The following LOXHD1 variants were observed in gnomAD, a reference collection of about 807,000 sequenced individuals.
LOXHD1 encodes lipoxygenase homology PLAT domains 1, also known as lipoxygenase homology domain-containing protein 1.
LOXHD1 carries 205 observed loss-of-function variants against 248.2 expected under a neutral mutation model. The observed-to-expected ratio is 0.83, with a 90% CI of 0.74 to 0.93. LOXHD1 has a LOEUF of 0.93. Ranked by LOEUF, LOXHD1 falls within the 40% of genes least tolerant of loss-of-function variation. LOXHD1 has a pLI of 0.00. For missense variants in LOXHD1, 2,930 were observed against 2,971.6 expected, an observed-to-expected ratio of 0.99 and a Z score of 0.33; for synonymous variants, 1,113 against 1,162.8, an observed-to-expected ratio of 0.96 and a Z score of 0.87.
At position 46,560,369 on chromosome 18, in the gene LOXHD1, C is replaced by A; in HGVS notation, c.2775G>T (p.Gln925His). 1 of 1,552,734 alleles carries A rather than the reference C, an allele frequency of 6.4e-7. No individual in the cohort carries two copies. Among genetic ancestry groups the A allele is most frequent in the Non-Finnish European group, 8.7e-7 (1 of 1,148,010 alleles). Residue 925 changes from glutamine to histidine, a missense_variant, in exon 19 of 41, where the codon CAG becomes CAT. Physicochemically the swap from Gln to His is conservative, Grantham distance 24 (BLOSUM62 0). Transcript: ENST00000642948. ...CCTTCAGCCGCTCCTTCTTGAGCAG[C>A]TGCCGCAGCTTGTCCTTCTCCTTCT... ...RKKKEKDKLR[Q>H]LLKKERLKAK...
chr18:46,506,789 C>A (rs957468219), intron 36 of LOXHD1, among the ~76,000 whole-genome samples: 10 of 152,322 alleles, frequency 6.6e-5, no homozygotes, highest in South Asian at 2.1e-4. Flanking sequence ...AAAATGTAAG[C>A]TACCATGGCC....
intron 5 of LOXHD1, among the ~76,000 whole-genome samples, chr18:46,615,475 A>G (rs2038573107): frequency 6.6e-6 from 1 of 152,188 alleles, no homozygotes; most frequent in African/African-American, 2.4e-5. Flanking sequence ...TCATATTATA[A>G]TTTATTCTTT....
At position 46,538,158 on chromosome 18, in the gene LOXHD1, C is replaced by G. The variant is rs537822646; in HGVS notation, c.4093G>C (p.Glu1365Gln). 3.3e-6 allele frequency: 5 copies of G among 1,531,772 alleles called. No homozygotes were observed. The highest frequency in any genetic ancestry group is 4.4e-6 in the Non-Finnish European group (5 of 1,130,538). 94.9% of individuals were successfully genotyped at this position (1,531,772 alleles called of 1,614,324 possible). The change falls in exon 26 of 41, where the codon GAG (glutamate) becomes CAG (glutamine). Residue 1365 changes from glutamate to glutamine, a missense_variant and splice_region_variant. Glu to Gln is a conservative substitution (Grantham distance 29). Transcript: ENST00000642948. ...ERKSASRFIV[E>Q]LEDVGEIIEK... ...GACAGCCTGCTGAGCCCAAGTACCT[C>G]TACGATGAAGCGGGAGGCAGACTTC...
chr18:46,498,518 T>G (rs1346472528), intron 37 of LOXHD1, among the ~76,000 whole-genome samples: 1 of 152,230 alleles, frequency 6.6e-6, no homozygotes, highest in East Asian at 1.9e-4. Context: ...AGAAGGTCAA[T>G]TCTGTCTCTG....
At chr18:46,590,977 A>G (rs926239671) in intron 12 of LOXHD1, among the ~76,000 whole-genome samples, 15 of 152,240 alleles carry the variant, frequency 9.9e-5, no homozygotes, top group Admixed American at 7.2e-4. Context: ...ATCTCTTTTT[A>G]GATACTTGCT....
Position 46,518,262 on chromosome 18 carries a change from A to G in LOXHD1, c.5272-6T>C, listed in dbSNP as rs1373573128. 6.4e-7 allele frequency: 1 copy of G among 1,550,912 alleles called. No homozygotes were observed. Among genetic ancestry groups the G allele is most frequent in the Non-Finnish European group, 8.7e-7 (1 of 1,146,336 alleles). On this transcript the variant is annotated splice_polypyrimidine_tract_variant and splice_region_variant and intron_variant, in intron 33 of 40. Coordinates refer to ENST00000642948, the MANE Select transcript of LOXHD1 (RefSeq NM_001384474.1). ...ACCGTCATTTCATAGAGAACCTGCC[A>G]TGAGAGGAATGCAGGTGCTGAGTCT...
rs1244638330 is a variant in LOXHD1 at position 46,577,432 on chromosome 18, AT to A, written c.1970+274del. Among the ~76,000 whole-genome samples, 5 of 152,350 alleles carry A rather than the reference AT, an allele frequency of 3.3e-5. No individual in the cohort carries two copies. The East Asian group carries it at 9.6e-4, about 29-fold the overall frequency. On this transcript the variant is annotated intron_variant, in intron 14 of 40. Coordinates refer to ENST00000642948, the MANE Select transcript of LOXHD1 (RefSeq NM_001384474.1). The stretch of plus-strand genomic sequence containing the variant: ...CTAAATTCAGGAATTGCCAAATTTT[AT>A]CATGAACAAGCACCCACATTTTGTT...
chr18:46,607,296 T>G lies in LOXHD1; in HGVS notation c.760-3067A>C, dbSNP rs147489742. 4.1e-3 allele frequency among the ~76,000 whole-genome samples: 627 copies of G among 151,130 alleles called. 19 individuals are homozygous for G. The East Asian group carries it at 0.073, about 18-fold the overall frequency. On this transcript the variant is annotated intron_variant, in intron 6 of 40. Transcript: ENST00000642948. ...ATTGTATTCATTATGACACCATATA[T>G]ATATGGTGTCATATATATATACACA...
chr18:46,576,738 A>G (rs576953381), intron 14 of LOXHD1, among the ~76,000 whole-genome samples: 1 of 152,280 alleles, frequency 6.6e-6, no homozygotes, highest in East Asian at 1.9e-4. Flanking sequence ...TGACCTATGG[A>G]GCCCTCCCAG....
chr18:46,629,585 A>G (rs2038792106), intron 4 of LOXHD1, among the ~76,000 whole-genome samples: 1 of 152,086 alleles, frequency 6.6e-6, no homozygotes, highest in African/African-American at 2.4e-5. Context: ...CAACATGGTC[A>G]TGTCAAGATC....
chr18:46,519,722 G>A (rs181389121), intron 33 of LOXHD1, among the ~76,000 whole-genome samples: 37 of 152,250 alleles, frequency 2.4e-4, no homozygotes, highest in Admixed American at 7.2e-4. Context: ...GAGCTGGTCC[G>A]TCCGACTCTT....
chr18:46,587,252 C>A (rs1465202123), intron 12 of LOXHD1, among the ~76,000 whole-genome samples: 1 of 152,146 alleles, frequency 6.6e-6, no homozygotes, highest in African/African-American at 2.4e-5. Flanking sequence ...AACGTATCAA[C>A]AGTGAGAGGA....
In LOXHD1 at chr18:46,601,487, A is replaced by G. The variant is rs1428654439; in HGVS notation, c.884-20T>C. The G allele has an allele frequency of 1.3e-6, 2 of 1,551,736 alleles. No homozygotes were observed. The highest frequency in any genetic ancestry group is 3.9e-5 in the Admixed American group (2 of 51,002). On this transcript the variant is annotated intron_variant, in intron 7 of 40. Coordinates refer to ENST00000642948, the MANE Select transcript of LOXHD1 (RefSeq NM_001384474.1). ...TAATAGCTGGTGTGGAAACAACAGG[A>G]AAGAGAGTGTTCAATGTGAGCTGCA...
intron 11 of LOXHD1, 134 bp downstream of exon 11, chr18:46,592,364 G>A (rs1428922524): frequency 1.3e-6 from 1 of 784,010 alleles, no homozygotes; most frequent in Non-Finnish European, 2.0e-6. Flanking sequence ...TCCAAATTCA[G>A]GTCTCACCAT....
chr18:46,655,301 TC>T (rs1477994453), intron 1 of LOXHD1, among the ~76,000 whole-genome samples: 3 of 152,156 alleles, frequency 2.0e-5, no homozygotes, highest in Non-Finnish European at 4.4e-5. Flanking sequence ...TGCTCAGGGA[TC>T]TTAAGGATCA....
At chr18:46,611,071 C>T (rs1425644571) in intron 5 of LOXHD1, 147 bp from the exon 6 acceptor site, 2 of 923,980 alleles carry the variant, frequency 2.2e-6, no homozygotes, top group Non-Finnish European at 3.2e-6. Flanking sequence ...TACATCCCTC[C>T]AGTCTCTGAA....
At chr18:46,572,668 C>T (rs1000102159) in intron 14 of LOXHD1, among the ~76,000 whole-genome samples, 1 of 152,118 alleles carries the variant, frequency 6.6e-6, no homozygotes, top group Non-Finnish European at 1.5e-5. Context: ...TTTCTAAGAG[C>T]TTTCCATCCT....
intron 4 of LOXHD1, among the ~76,000 whole-genome samples, chr18:46,627,663 C>G (rs1599060216): frequency 6.6e-6 from 1 of 152,062 alleles, no homozygotes; most frequent in Non-Finnish European, 1.5e-5. Context: ...AGGGTGGAGG[C>G]CACAGTGAAA....
At chr18:46,550,602 GAGTC>G (rs1201739609) in intron 21 of LOXHD1, among the ~76,000 whole-genome samples, 2 of 67,430 alleles carry the variant, frequency 3.0e-5, no homozygotes, top group Non-Finnish European at 4.2e-5. Flanking sequence ...AAAAAAAAAA[GAGTC>G]AGCGTGTGAT....
Sources: gnomAD v4.1 joint callset for allele counts (sites outside exome capture counted in the v4.1 genomes callset) on GRCh38, gnomAD v4.1.1 for gene constraint, MANE v1.5 for transcripts, NCBI Gene and HGNC (gene_info 2026-07-23, HGNC 2026-07-21) for gene names.